HFM1: variants seen among roughly 807,000 people sequenced by gnomAD.
The protein encoded by HFM1 is probable ATP-dependent DNA helicase HFM1.
HFM1 carries 169 observed loss-of-function variants against 192.1 expected under a neutral mutation model. The ratio of observed to expected loss-of-function variants is 0.88; its 90% CI spans 0.78 to 1.00. HFM1 has a LOEUF of 1.00. Ranked by LOEUF, HFM1 falls within the 50% of genes least tolerant of loss-of-function variation. HFM1 has a pLI of 0.00. For missense variants in HFM1, 1,661 were observed against 1,668.0 expected, an observed-to-expected ratio of 1.00 and a Z score of 0.07; for synonymous variants, 525 against 537.8, an observed-to-expected ratio of 0.98 and a Z score of 0.33.
intron 25 of HFM1, among the ~76,000 whole-genome samples, chr1:91,318,226 C>A (rs1415912416): frequency 1.3e-5 from 2 of 152,156 alleles, no homozygotes; most frequent in Non-Finnish European, 2.9e-5. Context: ...CCCCACTTCA[C>A]CCCAGCTCCC....
chr1:91,345,339 T>C (rs994046693), intron 19 of HFM1, among the ~76,000 whole-genome samples: 2 of 152,036 alleles, frequency 1.3e-5, no homozygotes, highest in Admixed American at 6.6e-5. Flanking sequence ...GTTTAAGGAA[T>C]AGCAAGAAGG....
intron 30 of HFM1, among the ~76,000 whole-genome samples, chr1:91,297,767 C>T (rs1312329406): frequency 6.6e-6 from 1 of 152,136 alleles, no homozygotes; most frequent in East Asian, 1.9e-4. Flanking sequence ...ACAGAAAGGA[C>T]ATCCACACCA....
rs530569690 is a variant in HFM1, at chr1:91,339,088, T to A, written c.2335+4342A>T. ...TATGCCACAGTAAATCTCAATGACA[T>A]CAAGGAATATAAAAGAAAAAGCCCC... On this transcript the variant is annotated intron_variant, in intron 20 of 38. Transcript: ENST00000370425. The A allele has an allele frequency of 5.8e-4, 261 of 450,052 alleles. 3 individuals carry two copies. The highest frequency in any genetic ancestry group is 1.6e-3 in the South Asian group (101 of 64,264). 27.9% of individuals were successfully genotyped at this position (450,052 alleles called of 1,614,324 possible).
intron 11 of HFM1, among the ~76,000 whole-genome samples, chr1:91,376,167 G>T (rs1053429609): frequency 3.3e-5 from 5 of 151,936 alleles, no homozygotes; most frequent in Admixed American, 3.3e-4. Context: ...GTTGGCAAGG[G>T]TTGACAAGTT....
At chr1:91,338,100 G>C (rs915365686) in intron 20 of HFM1, among the ~76,000 whole-genome samples, 5 of 152,166 alleles carry the variant, frequency 3.3e-5, no homozygotes, top group African/African-American at 1.2e-4. Context: ...AGTTAAACAG[G>C]TGAGGAGTGG....
chr1:91,390,646 T>A (rs969953113), intron 4 of HFM1, among the ~76,000 whole-genome samples: 2 of 152,102 alleles, frequency 1.3e-5, no homozygotes, highest in African/African-American at 2.4e-5. Flanking sequence ...ACAGCCAATA[T>A]CATACTGAAT....
Position 91,378,271 on chromosome 1 carries a change from G to A in HFM1, c.1237-88C>T, listed in dbSNP as rs1252243887. 10 of 1,281,192 alleles carry A rather than the reference G, an allele frequency of 7.8e-6. No individual in the cohort carries two copies. In the South Asian group the frequency reaches 8.7e-5, roughly 11 times the overall value. The allele number at this position is 1,281,192 out of a possible 1,614,324, so 79.4% of individuals were successfully genotyped here. A position where few individuals can be genotyped will look rare whatever the true frequency, so the allele number is the denominator to read the frequency against. ...AATATTCAATAATATTAACATTCTT[G>A]CTTGAGAAAATGAGCATTTTCCACT... On this transcript the variant is annotated intron_variant, in intron 10 of 38. Transcript: ENST00000370425.
chr1:91,352,594 T>A lies in HFM1; in HGVS notation c.1889A>T (p.Lys630Ile). The change falls in exon 16 of 39, where the codon AAA becomes ATA. Residue 630 changes from lysine to isoleucine, a missense_variant. Lys to Ile is a moderately radical substitution (Grantham distance 102). Coordinates refer to ENST00000370425, the MANE Select transcript of HFM1 (RefSeq NM_001017975.6). ...TCCTCCAGCATAATGCATTGTAGAT[T>A]TTATAACTACTAGGTGAGCAGGCAA... Reference protein sequence around the residue: ...VNLPAHLVVIKSTMHYAGGLF... With the variant: ...VNLPAHLVVIISTMHYAGGLF... 1 of 1,609,238 alleles carries A rather than the reference T, an allele frequency of 6.2e-7. No individual in the cohort carries two copies. Among genetic ancestry groups the A allele is most frequent in the Non-Finnish European group, 8.5e-7 (1 of 1,176,852 alleles).
At chr1:91,301,010 T>A (rs12752894) in intron 30 of HFM1, among the ~76,000 whole-genome samples, 1 of 151,982 alleles carries the variant, frequency 6.6e-6, no homozygotes, top group African/African-American at 2.4e-5. Context: ...TGTTTGCAGA[T>A]GACATGATTG....
At chr1:91,392,567 TG>T (rs1178424693) in intron 4 of HFM1, among the ~76,000 whole-genome samples, 1 of 151,250 alleles carries the variant, frequency 6.6e-6, no homozygotes, top group Admixed American at 6.6e-5. Context: ...GCATACAGGG[TG>T]GGGAACATCA....
At position 91,396,375 on chromosome 1, in the gene HFM1, C is replaced by T. The variant is rs141417240; in HGVS notation, c.102G>A (p.Trp34Ter). 26 of 1,598,946 alleles carry T rather than the reference C, an allele frequency of 1.6e-5. No homozygotes were observed. Among genetic ancestry groups the T allele is most frequent in the Non-Finnish European group, 2.1e-5 (24 of 1,170,370 alleles). The change falls in exon 3 of 39, where the codon TGG becomes TGA. Residue 34 changes from tryptophan (W) to a stop codon, truncating the protein, a stop_gained. Coordinates refer to ENST00000370425, the MANE Select transcript of HFM1 (RefSeq NM_001017975.6). LOFTEE classifies it high-confidence loss of function. ...AAATCAATGGAGCAGGAGGGAGAAACCAATCCAATGACTTTTCATTGTCTG... is the reference window on the plus strand; with the variant it reads ...AAATCAATGGAGCAGGAGGGAGAAATCAATCCAATGACTTTTCATTGTCTG... ...NHPDNEKSLDWFLPPAPLISE... is the reference protein window; with the variant it reads ...NHPDNEKSLD
intron 30 of HFM1, among the ~76,000 whole-genome samples, chr1:91,282,405 A>G (rs1236270285): frequency 6.6e-6 from 1 of 151,882 alleles, no homozygotes; most frequent in Admixed American, 6.6e-5. Context: ...CTAAAGTTTT[A>G]TATTAGGTTT....
chr1:91,266,149 C>T (rs748103680), intron 35 of HFM1, 42 bp from the exon 36 acceptor site: 2 of 1,528,862 alleles, frequency 1.3e-6, no homozygotes, highest in Admixed American at 3.9e-5. Context: ...TGCCAAGAAA[C>T]AGCTGAATGA....
intron 30 of HFM1, among the ~76,000 whole-genome samples, chr1:91,289,595 T>C (rs979093364): frequency 2.6e-5 from 4 of 152,074 alleles, no homozygotes; most frequent in African/African-American, 9.7e-5. Context: ...TGAGCGAGAC[T>C]CCGTCTGCAA....
intron 13 of HFM1, among the ~76,000 whole-genome samples, chr1:91,357,757 G>A (rs781764786): frequency 1.3e-5 from 2 of 152,036 alleles, no homozygotes; most frequent in Non-Finnish European, 2.9e-5. Context: ...AAAGTTGCAG[G>A]ATTCAAAATC....
chr1:91,307,213 CTT>C (rs970761619), intron 30 of HFM1, among the ~76,000 whole-genome samples: 3 of 151,952 alleles, frequency 2.0e-5, no homozygotes, highest in Non-Finnish European at 4.4e-5. Flanking sequence ...CTGTTTTTCT[CTT>C]GTTACATTAT....
At chr1:91,394,015 AC>A in intron 4 of HFM1, 77 bp downstream of exon 4, 1 of 792,418 alleles carries the variant, frequency 1.3e-6, no homozygotes, top group Non-Finnish European at 1.9e-6. Context: ...TTCACATTGT[AC>A]CATATTTAAT....
chr1:91,351,404 C>A, intron 17 of HFM1, 145 bp downstream of exon 17: 1 of 520,822 alleles, frequency 1.9e-6, no homozygotes, highest in Non-Finnish European at 3.4e-6. Flanking sequence ...TAAAATGACA[C>A]AAACTTTCTA....
At chr1:91,384,635 A>G (rs1661951106) in intron 6 of HFM1, among the ~76,000 whole-genome samples, 1 of 152,204 alleles carries the variant, frequency 6.6e-6, no homozygotes, top group Non-Finnish European at 1.5e-5. Flanking sequence ...AGTTCTGCCA[A>G]TAATACAAAT....
Sources: allele counts gnomAD v4.1 joint callset (sites outside exome capture counted in the v4.1 genomes callset), GRCh38; gene constraint gnomAD v4.1.1; transcripts MANE v1.5; gene names NCBI Gene and HGNC (gene_info 2026-07-23, HGNC 2026-07-21).